Variants in CDH13 observed in about 807,000 individuals in gnomAD.
CDH13 encodes cadherin-13.
A neutral mutation model predicts 63.8 loss-of-function variants in CDH13; 24 were observed. The ratio of observed to expected loss-of-function variants is 0.38; its 90% CI spans 0.27 to 0.53. The LOEUF is 0.53. Among genes scored for constraint, CDH13 ranks in the 20% least tolerant of loss-of-function variants. The probability of loss-of-function intolerance (pLI) is 0.85; values close to 1 mark genes in which losing one functional copy is unlikely to be tolerated. For synonymous variants in CDH13, 503 were observed against 355.3 expected, an observed-to-expected ratio of 1.42 and a Z score of -4.67; for missense variants, 1,049 against 903.1, an observed-to-expected ratio of 1.16 and a Z score of -2.07.
intron 3 of CDH13, among the ~76,000 whole-genome samples, chr16:83,046,734 C>T (rs1018217295): frequency 6.6e-6 from 1 of 152,114 alleles, no homozygotes; most frequent in African/African-American, 2.4e-5. Context: ...AAGCAACAGC[C>T]CCAGAATGCC....
chr16:83,487,534 G>C (rs6563913), intron 7 of CDH13, among the ~76,000 whole-genome samples: 151,948 of 152,250 alleles, frequency 1, 75,823 homozygotes, highest in Middle Eastern at 1. Flanking sequence ...GAGGTCCACC[G>C]TGTAGCTTAC....
At chr16:83,018,908 A>G (rs983281311) in intron 2 of CDH13, among the ~76,000 whole-genome samples, 4 of 152,358 alleles carry the variant, frequency 2.6e-5, no homozygotes, top group South Asian at 2.1e-4. Context: ...GCACACCTGT[A>G]TAGGGCACTT....
At chr16:83,148,307 CCATGTAGACAA>C (rs1010125766) in intron 4 of CDH13, among the ~76,000 whole-genome samples, 9 of 147,504 alleles carry the variant, frequency 6.1e-5, no homozygotes, top group Admixed American at 2.0e-4. Flanking sequence ...ATGGGTGGTA[CCATGTAGACAA>C]CATGTAGACA....
intron 1 of CDH13, among the ~76,000 whole-genome samples, chr16:82,661,217 C>T (rs916408512): frequency 6.6e-6 from 1 of 152,202 alleles, no homozygotes; most frequent in Non-Finnish European, 1.5e-5. Context: ...GCTCTCCCCT[C>T]ACCATGTTGT....
chr16:83,278,887 C>A (rs1002877144), intron 5 of CDH13, among the ~76,000 whole-genome samples: 3 of 152,150 alleles, frequency 2.0e-5, no homozygotes, highest in Non-Finnish European at 4.4e-5. Flanking sequence ...GGATGTTGAA[C>A]CTTAGTCTCA....
At chr16:82,785,157 G>A (rs1330649820) in intron 1 of CDH13, among the ~76,000 whole-genome samples, 1 of 152,148 alleles carries the variant, frequency 6.6e-6, no homozygotes, top group Non-Finnish European at 1.5e-5. Context: ...TTCGGGGCTG[G>A]CAGTTGAAAC....
At chr16:82,697,582 C>G (rs908501111) in intron 1 of CDH13, among the ~76,000 whole-genome samples, 2 of 151,820 alleles carry the variant, frequency 1.3e-5, no homozygotes, top group Admixed American at 1.3e-4. Flanking sequence ...GTGCCCGCCA[C>G]TATGCCCAGC....
chr16:83,632,550 T>G (rs958785460), intron 8 of CDH13, among the ~76,000 whole-genome samples: 1 of 151,724 alleles, frequency 6.6e-6, no homozygotes, highest in African/African-American at 2.4e-5. Context: ...AGAGCTAAGG[T>G]AATGCACCCA....
chr16:83,101,156 T>C (rs566220447), intron 3 of CDH13, among the ~76,000 whole-genome samples: 1 of 151,672 alleles, frequency 6.6e-6, no homozygotes, highest in Admixed American at 6.6e-5. Flanking sequence ...ACATTTATAA[T>C]ATATATTTAT....
intron 4 of CDH13, among the ~76,000 whole-genome samples, chr16:83,187,078 C>G (rs530216279): frequency 6.6e-6 from 1 of 152,242 alleles, no homozygotes; most frequent in African/African-American, 2.4e-5. Context: ...TCAAGTGATC[C>G]TCCCACCTCA....
chr16:83,402,338 C>G (rs1261872440), intron 6 of CDH13, among the ~76,000 whole-genome samples: 1 of 152,164 alleles, frequency 6.6e-6, no homozygotes, highest in Non-Finnish European at 1.5e-5. Flanking sequence ...GATTATAGAA[C>G]AGGACACAGA....
At chr16:83,102,948 C>CTTTTTTTTTTTTTCTTTTT (rs2034565986) in intron 3 of CDH13, among the ~76,000 whole-genome samples, 1 of 69,028 alleles carries the variant, frequency 1.4e-5, no homozygotes, top group African/African-American at 7.0e-5. Context: ...TTTTCTTTTT[C>CTTTTTTTTTTTTTCTTTTT]TTTTTTTTTT....
At chr16:82,912,732 A>C (rs1413347625) in intron 2 of CDH13, among the ~76,000 whole-genome samples, 2 of 152,174 alleles carry the variant, frequency 1.3e-5, no homozygotes, top group Non-Finnish European at 2.9e-5. Flanking sequence ...TCACGAGGTC[A>C]GGAGATCGAA....
chr16:83,395,329 C>T (rs139083755), intron 6 of CDH13, among the ~76,000 whole-genome samples: 2,174 of 150,636 alleles, frequency 0.014, 53 homozygotes, highest in African/African-American at 0.051. Flanking sequence ...AAAAAAAAGT[C>T]AAGGAAGATC....
At chr16:83,125,717 A>T (rs1392332269) in intron 4 of CDH13, among the ~76,000 whole-genome samples, 1 of 152,196 alleles carries the variant, frequency 6.6e-6, no homozygotes, top group African/African-American at 2.4e-5. Flanking sequence ...ATATTACGGG[A>T]TCAACATGGT....
intron 4 of CDH13, among the ~76,000 whole-genome samples, chr16:83,210,642 A>T (rs1465768730): frequency 6.6e-6 from 1 of 152,006 alleles, no homozygotes. Flanking sequence ...AGGTTGGCAG[A>T]GTGTGGGAGG....
At chr16:82,835,213 C>T (rs1468994973) in intron 1 of CDH13, among the ~76,000 whole-genome samples, 1 of 152,222 alleles carries the variant, frequency 6.6e-6, no homozygotes, top group African/African-American at 2.4e-5. Flanking sequence ...AACAGCACCT[C>T]TTAATTTGGA....
chr16:83,157,623 G>A (rs547965043), intron 4 of CDH13, among the ~76,000 whole-genome samples: 56 of 151,862 alleles, frequency 3.7e-4, no homozygotes, highest in Non-Finnish European at 6.2e-4. Context: ...GGCCGGGCGC[G>A]GTGGTTCACA....
At chr16:83,205,687 C>T (rs1298757321) in intron 4 of CDH13, among the ~76,000 whole-genome samples, 3 of 150,844 alleles carry the variant, frequency 2.0e-5, no homozygotes, top group South Asian at 2.1e-4. Flanking sequence ...TCACTGCAAC[C>T]TCCACCTCCT....
Sources: gnomAD v4.1 joint callset for allele counts (sites outside exome capture counted in the v4.1 genomes callset) on GRCh38, gnomAD v4.1.1 for gene constraint, MANE v1.5 for transcripts, NCBI Gene and HGNC (gene_info 2026-07-23, HGNC 2026-07-21) for gene names.